Variants in PTK2B observed in about 807,000 individuals in gnomAD.
The protein encoded by PTK2B is protein-tyrosine kinase 2-beta.
In PTK2B, 71 loss-of-function variants were observed where a neutral mutation model predicts 142.9. The ratio of observed to expected loss-of-function variants is 0.50; its 90% CI spans 0.41 to 0.61. The LOEUF (loss-of-function observed/expected upper bound fraction) is 0.61. Among genes scored for constraint, PTK2B ranks in the 20% least tolerant of loss-of-function variants. The probability of loss-of-function intolerance (pLI) is 0.00; values close to 1 mark genes in which losing one functional copy is unlikely to be tolerated. For synonymous variants in PTK2B, 519 were observed against 503.4 expected (o/e 1.03, Z -0.42); for missense variants, 1,105 against 1,320.4 (o/e 0.84, Z 2.53).
chr8:27,410,709 T>C (rs535074529), intron 2 of PTK2B, among the ~76,000 whole-genome samples: 1 of 152,378 alleles, frequency 6.6e-6, no homozygotes, highest in African/African-American at 2.4e-5. Context: ...AGCTGAGTAA[T>C]TAATTCATTC....
rs78692626 is a variant in PTK2B at position 27,399,628 on chromosome 8, A to G, written c.204+1840A>G. 6.2e-3 allele frequency among the ~76,000 whole-genome samples: 939 copies of G among 152,284 alleles called. 11 individuals are homozygous for G. Among genetic ancestry groups the G allele is most frequent in the African/African-American group, 0.022 (908 of 41,548 alleles). On this transcript the variant is annotated intron_variant, in intron 2 of 30. Transcript: ENST00000346049. ...ACACAACAGGCCTATGGAGAAGGCA[A>G]TGAGACCCAGGCTTAAGAAGAATGG...
intron 1 of PTK2B, among the ~76,000 whole-genome samples, chr8:27,387,667 T>A (rs571340954): frequency 2.6e-4 from 39 of 152,328 alleles, no homozygotes; most frequent in African/African-American, 9.4e-4. Context: ...CCATAGTTTC[T>A]TAGGGGTTTT....
intron 1 of PTK2B, among the ~76,000 whole-genome samples, chr8:27,334,283 A>G (rs1803928195): frequency 6.6e-6 from 1 of 152,092 alleles, no homozygotes. Flanking sequence ...TAAATTTACC[A>G]TTCAGTGCCT....
chr8:27,363,286 C>G lies in PTK2B; in HGVS notation c.-37-34262C>G, dbSNP rs1439877832. On this transcript the variant is annotated intron_variant, in intron 1 of 30. Coordinates refer to ENST00000346049, the MANE Select transcript of PTK2B (RefSeq NM_173176.3). This position sits in a 1 kb window ranked among gnomAD's most constrained non-coding sequence, Gnocchi z 4.3. ...AGTGTTTGGAGGAACTGAGGCAGGT[C>G]CAGGGAAGGCCTGGGAGAGCAGAGG... is the stretch of plus-strand genomic sequence containing the variant. 6.6e-6 allele frequency among the ~76,000 whole-genome samples: 1 copy of G among 152,010 alleles called. No homozygotes were observed. The highest frequency in any genetic ancestry group is 2.4e-5 in the African/African-American group (1 of 41,394).
At chr8:27,311,744 T>G (rs1230767942) in intron 1 of PTK2B, 1 of 156,146 alleles carries the variant, frequency 6.4e-6, no homozygotes, top group Non-Finnish European at 1.4e-5. Context: ...TGCAGCGCCT[T>G]TTTGAGGACC....
intron 1 of PTK2B, among the ~76,000 whole-genome samples, chr8:27,360,665 C>T (rs183193730): frequency 2.3e-4 from 35 of 152,274 alleles, no homozygotes; most frequent in Middle Eastern, 3.4e-3. Context: ...TCCTGGGGTA[C>T]GATGCCCCAA....
intron 3 of PTK2B, 107 bp downstream of exon 3, chr8:27,420,180 G>C: frequency 1.5e-6 from 2 of 1,330,460 alleles, no homozygotes; most frequent in South Asian, 2.7e-5. Context: ...GAAACTTCTA[G>C]CAAACCTGAG....
At chr8:27,376,659 G>A (rs1296599390) in intron 1 of PTK2B, among the ~76,000 whole-genome samples, 1 of 152,162 alleles carries the variant, frequency 6.6e-6, no homozygotes, top group Non-Finnish European at 1.5e-5. Flanking sequence ...AATCAAGATG[G>A]CGATGAGAGT....
At chr8:27,451,842 G>T in intron 27 of PTK2B, 2 of 1,048,642 alleles carry the variant, frequency 1.9e-6, no homozygotes, top group Non-Finnish European at 2.4e-6. Flanking sequence ...CGTGGGAAAA[G>T]TTAAGCAGTG....
At chr8:27,424,462 G>A (rs1809950188) in intron 5 of PTK2B, among the ~76,000 whole-genome samples, 1 of 152,208 alleles carries the variant, frequency 6.6e-6, no homozygotes, top group South Asian at 2.1e-4. Flanking sequence ...TTTTGTGCAA[G>A]AGATGTATTG....
At chr8:27,326,063 C>G (rs1032493319) in intron 1 of PTK2B, among the ~76,000 whole-genome samples, 1 of 152,092 alleles carries the variant, frequency 6.6e-6, no homozygotes, top group South Asian at 2.1e-4. Context: ...CCCCGCTCCC[C>G]GCTCCCTCCC....
At chr8:27,361,490 C>T (rs1805700828) in intron 1 of PTK2B, among the ~76,000 whole-genome samples, 1 of 152,166 alleles carries the variant, frequency 6.6e-6, no homozygotes. Context: ...TCCCAAAGTG[C>T]TGGGATTACA....
intron 1 of PTK2B, among the ~76,000 whole-genome samples, chr8:27,382,214 C>G (rs967147139): frequency 6.6e-6 from 1 of 152,184 alleles, no homozygotes; most frequent in African/African-American, 2.4e-5. Context: ...TTCCAAAGTG[C>G]TGGGATTATA....
At chr8:27,373,058 A>G (rs140899679) in intron 1 of PTK2B, among the ~76,000 whole-genome samples, 132 of 152,264 alleles carry the variant, frequency 8.7e-4, no homozygotes, top group African/African-American at 3.1e-3. Flanking sequence ...CCCTTAGCCC[A>G]GATACCCACT....
chr8:27,453,398 T>C (rs1466282734), intron 28 of PTK2B, among the ~76,000 whole-genome samples: 2 of 152,198 alleles, frequency 1.3e-5, no homozygotes, highest in Non-Finnish European at 2.9e-5. Context: ...CCTCCCAGAC[T>C]TGGAGTAGAG....
Position 27,336,950 on chromosome 8 carries a change from C to T in PTK2B, c.-38+11269C>T, listed in dbSNP as rs145506897. ...TTCTGGATTCAAGCGATTCTCCTGCCTCAGCCCCACGTCCCCACCACCCGT... is the reference window on the plus strand; with the variant it reads ...TTCTGGATTCAAGCGATTCTCCTGCTTCAGCCCCACGTCCCCACCACCCGT... On this transcript the variant is annotated intron_variant, in intron 1 of 30. Transcript: ENST00000346049. Among the ~76,000 whole-genome samples the T allele has an allele frequency of 7.9e-3, 1,199 of 151,952 alleles. 15 individuals carry two copies. Among genetic ancestry groups the T allele is most frequent in the African/African-American group, 0.027 (1,136 of 41,390 alleles).
chr8:27,394,556 G>GT (rs1807924391), intron 1 of PTK2B, among the ~76,000 whole-genome samples: 1 of 152,224 alleles, frequency 6.6e-6, no homozygotes, highest in Non-Finnish European at 1.5e-5. Context: ...GTGAGTGAAT[G>GT]TGATGGCACA....
Position 27,397,693 on chromosome 8 carries a change from G to A in PTK2B, c.109G>A (p.Asp37Asn), listed in dbSNP as rs1334505088. The change falls in exon 2 of 31, where the codon GAC (aspartate) becomes AAC (asparagine). Residue 37 changes from aspartate (D) to asparagine (N), a missense_variant. By Grantham distance (23) the Asp-to-Asn change is conservative. Coordinates refer to ENST00000346049, the MANE Select transcript of PTK2B (RefSeq NM_173176.3). ...GGTACCAGTAGATGTGGAAAAGGAGGACGTGCGTATCCTCAAGGTCTGCTT... is the reference window on the plus strand; with the variant it reads ...GGTACCAGTAGATGTGGAAAAGGAGAACGTGCGTATCCTCAAGGTCTGCTT... ...VVVPVDVEKE[D>N]VRILKVCFYS... 11 of 1,614,148 alleles carry A rather than the reference G, an allele frequency of 6.8e-6. No individual in the cohort carries two copies. The highest frequency in any genetic ancestry group is 8.5e-6 in the Non-Finnish European group (10 of 1,180,052).
At chr8:27,325,797 C>G (rs553863389) in intron 1 of PTK2B, 116 bp downstream of exon 1, 1 of 152,392 alleles carries the variant, frequency 6.6e-6, no homozygotes, top group East Asian at 1.9e-4. Flanking sequence ...GCTGGGAGTT[C>G]CCGGAGAAAC....
Sources: allele counts gnomAD v4.1 joint callset (sites outside exome capture counted in the v4.1 genomes callset), GRCh38; gene constraint gnomAD v4.1.1; non-coding constraint Gnocchi (gnomAD v3.1); transcripts MANE v1.5; gene names NCBI Gene and HGNC (gene_info 2026-07-23, HGNC 2026-07-21).